ARHGEF3: variants seen among roughly 807,000 people sequenced by gnomAD.
ARHGEF3 encodes the protein 59.8 kDA protein.
Under a neutral mutation model 63.2 loss-of-function variants are expected in ARHGEF3, and 28 were observed. The observed-to-expected ratio is 0.44, with a 90% confidence interval of 0.33 to 0.61. The LOEUF is 0.61. Ranked by LOEUF, ARHGEF3 falls within the 20% of genes least tolerant of loss-of-function variation. The probability of loss-of-function intolerance (pLI) is 0.03; values close to 1 mark genes in which losing one functional copy is unlikely to be tolerated. For synonymous variants in ARHGEF3, 266 were observed against 254.2 expected, an observed-to-expected ratio of 1.05 and a Z score of -0.44; for missense variants, 533 against 659.3, an observed-to-expected ratio of 0.81 and a Z score of 2.10.
At chr3:56,755,831 A>G (rs977184413) in intron 2 of ARHGEF3, among the ~76,000 whole-genome samples, 5 of 152,188 alleles carry the variant, frequency 3.3e-5, no homozygotes, top group African/African-American at 1.2e-4. Flanking sequence ...GGAGAGAATA[A>G]AGAGACCCAG....
At chr3:56,996,136 C>A (rs1001126277) in intron 2 of ARHGEF3, among the ~76,000 whole-genome samples, 2 of 152,128 alleles carry the variant, frequency 1.3e-5, no homozygotes, top group African/African-American at 4.8e-5. Flanking sequence ...GAGACTGGGA[C>A]TCACCAACTG....
At chr3:56,731,922 G>GT (rs2033190574) in intron 9 of ARHGEF3, 3 of 549,886 alleles carry the variant, frequency 5.5e-6, no homozygotes, top group Non-Finnish European at 9.7e-6. Context: ...TATTAAGCAT[G>GT]TTTTTATCCA....
At chr3:56,803,137 C>T (rs2037733756), upstream of ARHGEF3, among the ~76,000 whole-genome samples, 1 of 152,184 alleles carries the variant, frequency 6.6e-6, no homozygotes, top group South Asian at 2.1e-4. Context: ...TTACCAGTTC[C>T]CCTGTGGCTG....
At chr3:56,800,684 G>A (rs1001952209) in intron 1 of ARHGEF3, among the ~76,000 whole-genome samples, 4 of 152,194 alleles carry the variant, frequency 2.6e-5, no homozygotes, top group African/African-American at 9.6e-5. Flanking sequence ...TGACAAGGCC[G>A]GATGCACACC....
At chr3:56,884,757 C>T (rs1470508848) in intron 3 of ARHGEF3, among the ~76,000 whole-genome samples, 1 of 152,256 alleles carries the variant, frequency 6.6e-6, no homozygotes, top group African/African-American at 2.4e-5. Context: ...CTGATCCTTA[C>T]TGATTCACCA....
intron 4 of ARHGEF3, among the ~76,000 whole-genome samples, chr3:56,809,510 C>T (rs1301539222): frequency 6.6e-6 from 1 of 152,080 alleles, no homozygotes; most frequent in Non-Finnish European, 1.5e-5. Flanking sequence ...AAACAAAAAC[C>T]TGTCTCACTG....
chr3:56,760,634 G>A (rs2035363590), intron 2 of ARHGEF3, among the ~76,000 whole-genome samples: 1 of 152,166 alleles, frequency 6.6e-6, no homozygotes, highest in Non-Finnish European at 1.5e-5. Context: ...CTACTGAGGA[G>A]GAAACTGAGG....
At chr3:57,066,145 G>C (rs192880641) in intron 1 of ARHGEF3, among the ~76,000 whole-genome samples, 24 of 152,224 alleles carry the variant, frequency 1.6e-4, no homozygotes, top group African/African-American at 4.8e-4. Flanking sequence ...ACCTGTAATT[G>C]CAAGAGAACA....
At chr3:56,860,399 T>C (rs1057323878) in intron 4 of ARHGEF3, among the ~76,000 whole-genome samples, 9 of 152,128 alleles carry the variant, frequency 5.9e-5, no homozygotes, top group Admixed American at 5.9e-4. Context: ...CCCAGGCTGG[T>C]CTCTAGCTCC....
At chr3:56,751,514 C>T in intron 4 of ARHGEF3, 118 bp from the exon 5 acceptor site, 1 of 795,248 alleles carries the variant, frequency 1.3e-6, no homozygotes, top group South Asian at 1.6e-5. Context: ...TCTCTAACAA[C>T]TTCTCCCATA....
At chr3:56,901,016 T>C (rs1193071034) in intron 3 of ARHGEF3, among the ~76,000 whole-genome samples, 2 of 152,166 alleles carry the variant, frequency 1.3e-5, no homozygotes, top group East Asian at 1.9e-4. Flanking sequence ...AGTTTTTGGG[T>C]AGGGGTGGAA....
chr3:56,826,802 C>T (rs937038971), intron 4 of ARHGEF3, among the ~76,000 whole-genome samples: 7 of 152,162 alleles, frequency 4.6e-5, no homozygotes, highest in African/African-American at 1.7e-4. Context: ...CTGCTTGTCA[C>T]CCAATGGTAC....
chr3:56,755,312 G>A (rs781335082), intron 2 of ARHGEF3, among the ~76,000 whole-genome samples, 161 bp from the exon 3 acceptor site: 1 of 152,192 alleles, frequency 6.6e-6, no homozygotes, highest in Non-Finnish European at 1.5e-5. Flanking sequence ...TTGAGCCTAC[G>A]TGCTAAGGAA....
intron 4 of ARHGEF3, among the ~76,000 whole-genome samples, chr3:56,751,777 A>G (rs2034764992): frequency 6.6e-6 from 1 of 152,190 alleles, no homozygotes; most frequent in South Asian, 2.1e-4. Flanking sequence ...TCTTTTTTCA[A>G]TTAGTACATA....
chr3:56,990,510 C>T lies in ARHGEF3; in HGVS notation c.63-31621G>A, dbSNP rs754276029. 4.6e-5 allele frequency among the ~76,000 whole-genome samples: 7 copies of T among 152,104 alleles called. No individual in the cohort carries two copies. In the East Asian group the frequency reaches 5.8e-4, roughly 13 times the overall value. Reference sequence around the variant, plus strand: ...CTGAGGCAGGAGAATCACTTGAACCCGGGAGGCAGAGGTTGCAGTGAGCTG... The same window carrying T: ...CTGAGGCAGGAGAATCACTTGAACCTGGGAGGCAGAGGTTGCAGTGAGCTG... On this transcript the variant is annotated intron_variant, in intron 2 of 12. Coordinates refer to the ARHGEF3 transcript ENST00000338458.
chr3:56,889,786 G>A (rs934699623), intron 3 of ARHGEF3, among the ~76,000 whole-genome samples: 2 of 152,184 alleles, frequency 1.3e-5, no homozygotes, highest in African/African-American at 4.8e-5. Context: ...TCATGGCTGG[G>A]CGCAGTGGCT....
At chr3:56,816,043 G>A (rs992786289) in intron 4 of ARHGEF3, among the ~76,000 whole-genome samples, 2 of 152,100 alleles carry the variant, frequency 1.3e-5, no homozygotes, top group Non-Finnish European at 2.9e-5. Flanking sequence ...GTGAGATCCT[G>A]TCTGTACACA....
chr3:56,805,102 G>C (rs1394975727), upstream of ARHGEF3, among the ~76,000 whole-genome samples: 1 of 152,166 alleles, frequency 6.6e-6, no homozygotes, highest in African/African-American at 2.4e-5. Flanking sequence ...TACAGCACTT[G>C]GTGAAGAAAA....
At chr3:56,936,150 C>G (rs1388035917) in intron 3 of ARHGEF3, among the ~76,000 whole-genome samples, 1 of 152,108 alleles carries the variant, frequency 6.6e-6, no homozygotes, top group Non-Finnish European at 1.5e-5. Flanking sequence ...GAGACTATGC[C>G]ATAAGCTGTA....
Sources: allele counts gnomAD v4.1 joint callset (sites outside exome capture counted in the v4.1 genomes callset), GRCh38; gene constraint gnomAD v4.1.1; transcripts MANE v1.5; gene names NCBI Gene and HGNC (gene_info 2026-07-23, HGNC 2026-07-21).